The following NHEJ1 variants were observed in gnomAD, a reference collection of about 807,000 sequenced individuals.
The protein encoded by NHEJ1 is non-homologous end-joining factor 1.
Under a neutral mutation model 39.4 loss-of-function variants are expected in NHEJ1, and 22 were observed. The observed-to-expected ratio is 0.56, with a 90% CI of 0.40 to 0.80. The LOEUF is 0.80. Ranked by LOEUF, NHEJ1 falls within the 30% of genes least tolerant of loss-of-function variation. The pLI is 0.00. For synonymous variants in NHEJ1, 154 were observed against 135.6 expected, an observed-to-expected ratio of 1.14 and a Z score of -0.94; for missense variants, 329 against 357.1, an observed-to-expected ratio of 0.92 and a Z score of 0.63.
At chr2:219,098,940 T>C (rs1949232549) in intron 5 of NHEJ1, among the ~76,000 whole-genome samples, 1 of 152,100 alleles carries the variant, frequency 6.6e-6, no homozygotes, top group South Asian at 2.1e-4. Flanking sequence ...CAGAAGTGTG[T>C]GCAAGGGAGT....
At chr2:219,145,881 G>A (rs535304542) in intron 5 of NHEJ1, among the ~76,000 whole-genome samples, 10 of 150,096 alleles carry the variant, frequency 6.7e-5, no homozygotes, top group South Asian at 4.2e-4. Flanking sequence ...GCTGTGAGCC[G>A]AGATCGCACC....
At chr2:219,153,906 T>C (rs929975690) in intron 3 of NHEJ1, among the ~76,000 whole-genome samples, 1 of 152,198 alleles carries the variant, frequency 6.6e-6, no homozygotes, top group Non-Finnish European at 1.5e-5. Context: ...AATTTGGCAT[T>C]ATGTTATGTG....
At chr2:219,078,635 T>C (rs1412307248) in intron 5 of NHEJ1, among the ~76,000 whole-genome samples, 14 of 152,106 alleles carry the variant, frequency 9.2e-5, no homozygotes, top group Admixed American at 4.6e-4. Flanking sequence ...AAAATGGTAA[T>C]GACAGACTGA....
chr2:219,104,211 C>A (rs1170920713), intron 5 of NHEJ1, among the ~76,000 whole-genome samples: 2 of 152,212 alleles, frequency 1.3e-5, no homozygotes, highest in Non-Finnish European at 2.9e-5. Context: ...CATGCACAAC[C>A]TGCAGGGCCA....
chr2:219,105,806 C>T (rs533108291), intron 5 of NHEJ1, among the ~76,000 whole-genome samples: 32 of 152,270 alleles, frequency 2.1e-4, no homozygotes, highest in South Asian at 6.2e-4. Flanking sequence ...ATTAAATCTT[C>T]CTTATTCATT....
chr2:219,134,099 A>G (rs1359049744), intron 5 of NHEJ1, among the ~76,000 whole-genome samples: 1 of 152,168 alleles, frequency 6.6e-6, no homozygotes, highest in African/African-American at 2.4e-5. Context: ...TGCCTTATCC[A>G]TTGATCGTTC....
intron 5 of NHEJ1, among the ~76,000 whole-genome samples, chr2:219,109,357 TA>T (rs528490271): frequency 2.6e-5 from 4 of 151,194 alleles, no homozygotes; most frequent in Non-Finnish European, 4.4e-5. Context: ...CCACAAAGGA[TA>T]AAAAAAAAGT....
At chr2:219,105,308 C>T (rs1949303793) in intron 5 of NHEJ1, among the ~76,000 whole-genome samples, 1 of 152,080 alleles carries the variant, frequency 6.6e-6, no homozygotes, top group Non-Finnish European at 1.5e-5. Context: ...GAAGAAATAT[C>T]TAGAAAGATG....
chr2:219,147,802 G>A lies in NHEJ1; in HGVS notation c.391-7C>T, dbSNP rs1467745592. On this transcript the variant is annotated splice_polypyrimidine_tract_variant and splice_region_variant and intron_variant, in intron 3 of 7. Transcript: ENST00000356853. ...GAATCAAATGTTGGGAGACCTTTGAGGGAAGAGATATCAATTAGCCAAAAG... is the reference window on the plus strand; with the variant it reads ...GAATCAAATGTTGGGAGACCTTTGAAGGAAGAGATATCAATTAGCCAAAAG... 1.2e-6 allele frequency: 2 copies of A among 1,613,882 alleles called. No individual in the cohort carries two copies. Among genetic ancestry groups the A allele is most frequent in the African/African-American group, 2.7e-5 (2 of 74,918 alleles).
chr2:219,117,970 C>T (rs7588303), intron 5 of NHEJ1, among the ~76,000 whole-genome samples: 79,722 of 152,098 alleles, frequency 0.52, 23,668 homozygotes, highest in Non-Finnish European at 0.67. Flanking sequence ...GGTCCTATTC[C>T]TTCTCCATGC....
chr2:219,089,117 C>A (rs1949138432), intron 5 of NHEJ1, among the ~76,000 whole-genome samples: 1 of 152,288 alleles, frequency 6.6e-6, no homozygotes, highest in South Asian at 2.1e-4. Flanking sequence ...TTGCGCCCAG[C>A]CTATACTTCA....
At chr2:219,078,273 C>T in intron 5 of NHEJ1, 67 bp from the exon 6 acceptor site, 3 of 1,316,288 alleles carry the variant, frequency 2.3e-6, no homozygotes, top group Non-Finnish European at 2.2e-6. Flanking sequence ...TAATACCCCA[C>T]ATGCAGAACC....
At chr2:219,154,867 ATATAT>A (rs1466507715) in intron 3 of NHEJ1, among the ~76,000 whole-genome samples, 1 of 147,252 alleles carries the variant, frequency 6.8e-6, no homozygotes, top group Non-Finnish European at 1.5e-5. Context: ...ATTGTATTAT[ATATAT>A]TATATAATAT....
At chr2:219,103,866 C>T (rs1949289645) in intron 5 of NHEJ1, among the ~76,000 whole-genome samples, 1 of 152,168 alleles carries the variant, frequency 6.6e-6, no homozygotes. Context: ...CCCATTTAGA[C>T]CAAAGTCAGC....
intron 5 of NHEJ1, among the ~76,000 whole-genome samples, chr2:219,142,586 G>A (rs1949701895): frequency 6.6e-6 from 1 of 152,248 alleles, no homozygotes; most frequent in Admixed American, 6.5e-5. Context: ...CAACCAGATG[G>A]AGAGAGCGAG....
At chr2:219,144,987 G>A (rs1407294042) in intron 5 of NHEJ1, among the ~76,000 whole-genome samples, 2 of 152,106 alleles carry the variant, frequency 1.3e-5, no homozygotes, top group East Asian at 3.9e-4. Flanking sequence ...GGTCAAGGAG[G>A]GTGGATCACT....
chr2:219,143,351 CA>C (rs1422480882), intron 5 of NHEJ1, among the ~76,000 whole-genome samples: 4 of 152,140 alleles, frequency 2.6e-5, no homozygotes, highest in African/African-American at 9.7e-5. Context: ...CTTTCAGTTC[CA>C]GCAGCTATAC....
intron 5 of NHEJ1, among the ~76,000 whole-genome samples, chr2:219,138,269 A>C (rs1434551975): frequency 1.3e-5 from 2 of 152,246 alleles, no homozygotes; most frequent in Admixed American, 6.5e-5. Flanking sequence ...TGGCTCTAAA[A>C]AAAGAGAGGT....
intron 5 of NHEJ1, among the ~76,000 whole-genome samples, chr2:219,080,626 C>CT (rs1318756479): frequency 7.1e-6 from 1 of 141,312 alleles, no homozygotes; most frequent in African/African-American, 2.7e-5. Flanking sequence ...TATATATATG[C>CT]TAATATATAT....
Sources: gnomAD v4.1 joint callset for allele counts (sites outside exome capture counted in the v4.1 genomes callset) on GRCh38, gnomAD v4.1.1 for gene constraint, MANE v1.5 for transcripts, NCBI Gene and HGNC (gene_info 2026-07-23, HGNC 2026-07-21) for gene names.